Variants in EPHA4 observed in about 807,000 individuals in gnomAD.
EPHA4 encodes ephrin type-A receptor 4.
A neutral mutation model predicts 108.3 loss-of-function variants in EPHA4; 19 were observed. The observed-to-expected ratio is 0.18, with a 90% CI of 0.12 to 0.26. The LOEUF (loss-of-function observed/expected upper bound fraction) is 0.26. Among genes scored for constraint, EPHA4 ranks in the 10% least tolerant of loss-of-function variants. The pLI is 1.00. For synonymous variants in EPHA4, 449 were observed against 455.5 expected, an observed-to-expected ratio of 0.99 and a Z score of 0.18; for missense variants, 917 against 1,254.0, an observed-to-expected ratio of 0.73 and a Z score of 4.06.
intron 1 of EPHA4, chr2:221,569,464 A>G (rs1694762569): frequency 6.6e-6 from 1 of 152,164 alleles, no homozygotes. Context: ...CCCGTAGGAA[A>G]TCACTGGCTT....
At chr2:221,438,248 T>C (rs1165058883) in intron 11 of EPHA4, among the ~76,000 whole-genome samples, 1 of 152,078 alleles carries the variant, frequency 6.6e-6, no homozygotes, top group East Asian at 1.9e-4. Flanking sequence ...TAAATAAGAT[T>C]TTCACAAAAG....
chr2:221,422,366 T>C (rs1689784483), intron 17 of EPHA4, among the ~76,000 whole-genome samples: 1 of 152,158 alleles, frequency 6.6e-6, no homozygotes, highest in African/African-American at 2.4e-5. Flanking sequence ...ACACACAAGG[T>C]TGGTAATGGT....
Position 221,418,899 on chromosome 2 carries a change from T to A in EPHA4, c.*2473A>T, listed in dbSNP as rs1467424995. On this transcript the variant is annotated 3_prime_UTR_variant, in exon 18 of 18. Transcript: ENST00000281821. ...TTTCAGGCATCAATGCATAGGCACA[T>A]CCCTTAAAAAATATATTAAGGTCCC... 1 of 152,620 alleles carries A rather than the reference T, an allele frequency of 6.6e-6. No homozygotes were observed. The highest frequency in any genetic ancestry group is 1.5e-5 in the Non-Finnish European group (1 of 68,050). 9.5% of individuals were successfully genotyped at this position (152,620 alleles called of 1,614,324 possible).
At chr2:221,492,952 T>C (rs1370717840) in intron 4 of EPHA4, among the ~76,000 whole-genome samples, 6 of 152,252 alleles carry the variant, frequency 3.9e-5, no homozygotes, top group Non-Finnish European at 8.8e-5. Flanking sequence ...GAAATTCCCC[T>C]GGAAAACTTG....
chr2:221,444,868 G>C (rs1483799867), intron 9 of EPHA4, among the ~76,000 whole-genome samples: 1 of 144,338 alleles, frequency 6.9e-6, no homozygotes, highest in African/African-American at 2.5e-5. Flanking sequence ...AGCAATTCTC[G>C]TGCCTCAGCC....
At chr2:221,429,281 A>T (rs1312494334) in intron 15 of EPHA4, among the ~76,000 whole-genome samples, 1 of 152,234 alleles carries the variant, frequency 6.6e-6, no homozygotes, top group Admixed American at 6.5e-5. Flanking sequence ...TGTAGGACTT[A>T]TAGTATCTTT....
chr2:221,512,462 T>C (rs1286488487), intron 3 of EPHA4, among the ~76,000 whole-genome samples: 2 of 152,228 alleles, frequency 1.3e-5, no homozygotes, highest in African/African-American at 2.4e-5. Context: ...CAGGAGACAC[T>C]AACACCTAAC....
intron 5 of EPHA4, among the ~76,000 whole-genome samples, chr2:221,477,753 A>G (rs1334501941): frequency 6.6e-6 from 1 of 152,220 alleles, no homozygotes; most frequent in Non-Finnish European, 1.5e-5. Flanking sequence ...TAAACATGTT[A>G]GAAGAATAAG....
chr2:221,459,110 T>G (rs920372594), intron 5 of EPHA4, among the ~76,000 whole-genome samples: 1 of 152,126 alleles, frequency 6.6e-6, no homozygotes, highest in Non-Finnish European at 1.5e-5. Context: ...GAAAATGGTA[T>G]GGGAAAAGCT....
At chr2:221,508,894 G>GT (rs1017009652) in intron 3 of EPHA4, among the ~76,000 whole-genome samples, 21 of 67,960 alleles carry the variant, frequency 3.1e-4, no homozygotes, top group African/African-American at 2.1e-3. Flanking sequence ...GATCATTGTT[G>GT]TTTTTTGATA....
At chr2:221,558,460 T>C (rs1485815412) in intron 3 of EPHA4, among the ~76,000 whole-genome samples, 1 of 151,926 alleles carries the variant, frequency 6.6e-6, no homozygotes, top group African/African-American at 2.4e-5. Context: ...ACTAGTAAAG[T>C]TCAGTTATGT....
chr2:221,489,052 G>T (rs898444785), intron 4 of EPHA4, among the ~76,000 whole-genome samples: 2 of 152,164 alleles, frequency 1.3e-5, no homozygotes, highest in South Asian at 4.1e-4. Context: ...TCATTTAAAA[G>T]CCGTCAGCCA....
chr2:221,512,680 G>A (rs997305423), intron 3 of EPHA4, among the ~76,000 whole-genome samples: 2 of 152,120 alleles, frequency 1.3e-5, no homozygotes, highest in African/African-American at 2.4e-5. Flanking sequence ...TTTAATACAC[G>A]GGTCTATGCA....
intron 8 of EPHA4, among the ~76,000 whole-genome samples, chr2:221,449,513 C>T (rs1690703062): frequency 6.6e-6 from 1 of 152,114 alleles, no homozygotes; most frequent in Admixed American, 6.5e-5. Context: ...AAACATGGAC[C>T]CTTTCAGCCG....
At chr2:221,535,713 G>A (rs1186871514) in intron 3 of EPHA4, among the ~76,000 whole-genome samples, 1 of 151,984 alleles carries the variant, frequency 6.6e-6, no homozygotes, top group Non-Finnish European at 1.5e-5. Flanking sequence ...CTTCTTCTAT[G>A]CCTAAAGTGG....
At chr2:221,548,356 C>A (rs1216441621) in intron 3 of EPHA4, among the ~76,000 whole-genome samples, 1 of 151,468 alleles carries the variant, frequency 6.6e-6, no homozygotes, top group Non-Finnish European at 1.5e-5. Flanking sequence ...GAGCGAGAGT[C>A]CGTCTCAAAA....
intron 3 of EPHA4, among the ~76,000 whole-genome samples, chr2:221,521,164 G>A (rs1014272764): frequency 6.6e-6 from 1 of 151,998 alleles, no homozygotes; most frequent in African/African-American, 2.4e-5. Context: ...CTCAACCCTC[G>A]GACTCTATTA....
At chr2:221,537,815 A>G (rs943823931) in intron 3 of EPHA4, among the ~76,000 whole-genome samples, 3 of 152,220 alleles carry the variant, frequency 2.0e-5, no homozygotes, top group Non-Finnish European at 4.4e-5. Context: ...AGAAGGAAGA[A>G]GAAAGACAAA....
Position 221,419,655 on chromosome 2 carries a change from T to C in EPHA4, c.*1717A>G, listed in dbSNP as rs965647304. The C allele has an allele frequency of 6.6e-6, 1 of 152,608 alleles. No individual in the cohort carries two copies. Among genetic ancestry groups the C allele is most frequent in the African/African-American group, 2.4e-5 (1 of 41,454 alleles). 9.5% of individuals were successfully genotyped at this position (152,608 alleles called of 1,614,324 possible). ...ATGGGTTGTCACCTGAATGGATTTA[T>C]ATTTTAAATTACTTCACCATTAAGG... On this transcript the variant is annotated 3_prime_UTR_variant, in exon 18 of 18. Transcript: ENST00000281821.
Sources: gnomAD v4.1 joint callset for allele counts (sites outside exome capture counted in the v4.1 genomes callset) on GRCh38, gnomAD v4.1.1 for gene constraint, MANE v1.5 for transcripts, NCBI Gene and HGNC (gene_info 2026-07-23, HGNC 2026-07-21) for gene names.